Variants in GNL1 observed in about 807,000 individuals in gnomAD.
GNL1 encodes the protein guanine nucleotide-binding protein-like 1.
GNL1 carries 21 observed loss-of-function variants against 75.2 expected under a neutral mutation model. The ratio of observed to expected loss-of-function variants is 0.28; its 90% CI spans 0.20 to 0.40. The LOEUF is 0.40. Ranked by LOEUF, GNL1 falls within the 10% of genes least tolerant of loss-of-function variation. The probability of loss-of-function intolerance (pLI) is 1.00; values close to 1 mark genes in which losing one functional copy is unlikely to be tolerated. For synonymous variants in GNL1, 287 were observed against 303.4 expected (o/e 0.95, Z 0.56); for missense variants, 579 against 775.0 (o/e 0.75, Z 3.00).
In GNL1 at chr6:30,546,557, G is replaced by A. The variant is rs1408137049; in HGVS notation, c.1582+139C>T. Reference sequence around the variant, plus strand: ...ATTATTACCCTCAGTTTGCAGATCAGGAAAATATCACAGATGTTAAGTAAC... The same window carrying A: ...ATTATTACCCTCAGTTTGCAGATCAAGAAAATATCACAGATGTTAAGTAAC... On this transcript the variant is annotated intron_variant, in intron 11 of 11. Coordinates refer to ENST00000376621, the MANE Select transcript of GNL1 (RefSeq NM_005275.5). The surrounding 1 kb of genome is among the most constrained non-coding windows in gnomAD (Gnocchi z 5.1). 8.8e-5 allele frequency: 68 copies of A among 775,274 alleles called. No homozygotes were observed. Among genetic ancestry groups the A allele is most frequent in the Middle Eastern group, 2.4e-4 (1 of 4,224 alleles). 48.0% of individuals were successfully genotyped at this position (775,274 alleles called of 1,614,324 possible).
Position 30,548,269 on chromosome 6 carries a change from T to G in GNL1, c.1100-739A>C, listed in dbSNP as rs976835936. On this transcript the variant is annotated intron_variant, in intron 8 of 11. Transcript: ENST00000376621. The surrounding 1 kb of genome is among the most constrained non-coding windows in gnomAD (Gnocchi z 4.2). The stretch of plus-strand genomic sequence containing the variant: ...CACTCTGCTCACTCACCACCACCAG[T>G]TTTTGTGTTTCTGGCTGACTTCAGT... 6.6e-6 allele frequency among the ~76,000 whole-genome samples: 1 copy of G among 151,860 alleles called. No homozygotes were observed. Among genetic ancestry groups the G allele is most frequent in the Non-Finnish European group, 1.5e-5 (1 of 67,950 alleles).
chr6:30,547,314 A>C lies in GNL1; in HGVS notation c.1278+38T>G. 6.3e-6 allele frequency: 10 copies of C among 1,581,346 alleles called. No homozygotes were observed. Among genetic ancestry groups the C allele is most frequent in the Non-Finnish European group, 8.6e-6 (10 of 1,163,368 alleles). On this transcript the variant is annotated intron_variant, in intron 9 of 11. Transcript: ENST00000376621. This position sits in a 1 kb window ranked among gnomAD's most constrained non-coding sequence, Gnocchi z 5.5. ...CACTCAGTACTTTCCTCAATGTCCC[A>C]CCTTCTCTCTTTCCCTTACCCACCC...
rs934916833 is a variant in GNL1, at chr6:30,548,854, A to C, written c.1100-1324T>G. Among the ~76,000 whole-genome samples the C allele has an allele frequency of 2.6e-5, 4 of 152,150 alleles. No homozygotes were observed. Among genetic ancestry groups the C allele is most frequent in the African/African-American group, 4.8e-5 (2 of 41,418 alleles). ...TGCAGGAAAACTCCTTAAAAGACTT[A>C]CCTACTTTTTTCACCATTTCTTCCT... On this transcript the variant is annotated intron_variant, in intron 8 of 11. Transcript: ENST00000376621. The surrounding 1 kb of genome is among the most constrained non-coding windows in gnomAD (Gnocchi z 4.2).
Position 30,552,590 on chromosome 6 carries a change from C to T in GNL1, c.976G>A (p.Glu326Lys), listed in dbSNP as rs142398523. The T allele has an allele frequency of 6.9e-3, 11,129 of 1,614,090 alleles. 91 individuals carry two copies. Among genetic ancestry groups the T allele is most frequent in the Middle Eastern group, 0.043 (263 of 6,062 alleles). ...GGGCCATCCTCCTCTTCCTCCTCCTCCCCAGAGCCATTACCCCAGGTGGCC... is the reference window on the plus strand; with the variant it reads ...GGGCCATCCTCCTCTTCCTCCTCCTTCCCAGAGCCATTACCCCAGGTGGCC... ...AGATWGNGSG[E>K]EEEEEDGPAV... Residue 326 changes from glutamate (E) to lysine (K), a missense_variant, in exon 8 of 12, where the codon GAG (glutamate) becomes AAG (lysine). Coordinates refer to ENST00000376621, the MANE Select transcript of GNL1 (RefSeq NM_005275.5). The surrounding 1 kb of genome is among the most constrained non-coding windows in gnomAD (Gnocchi z 4.5).
rs1206044058 is a variant in GNL1, at chr6:30,545,067, T to C, written c.*1005A>G. ...GAAATGCTGAGGTGAAACCCTAAAA[T>C]GGTTCTGGCCACCTGCTAGGTTCTA... is the stretch of plus-strand genomic sequence containing the variant. On this transcript the variant is annotated 3_prime_UTR_variant, in exon 12 of 12. Coordinates refer to ENST00000376621, the MANE Select transcript of GNL1 (RefSeq NM_005275.5). The C allele has an allele frequency of 2.0e-5, 3 of 152,176 alleles. No individual in the cohort carries two copies. The highest frequency in any genetic ancestry group is 6.5e-5 in the Admixed American group (1 of 15,276). 9.4% of individuals were successfully genotyped at this position (152,176 alleles called of 1,614,324 possible). A position where few individuals can be genotyped will look rare whatever the true frequency, so the allele number is the denominator to read the frequency against.
In GNL1 at chr6:30,553,372, G is replaced by A; in HGVS notation, c.786C>T (p.Arg262=). ...VLFTSFPRDP[R]TPQDPSSVLK... ...CACCACTACTAGGGTCCTGTGGGGT[G>A]CGGGGGTCCCGAGGAAAAGAGGTGA... The change falls in exon 6 of 12, where the codon CGC becomes CGT. Residue 262 remains arginine (R), a synonymous_variant. Transcript: ENST00000376621. 1 of 1,612,056 alleles carries A rather than the reference G, an allele frequency of 6.2e-7. No homozygotes were observed. The highest frequency in any genetic ancestry group is 2.2e-5 in the East Asian group (1 of 44,888).
rs751722589 is a variant in GNL1, at chr6:30,547,229, T to C, written c.1324A>G (p.Thr442Ala). The change falls in exon 10 of 12, where the codon ACT (threonine) becomes GCT (alanine). Residue 442 changes from threonine to alanine, a missense_variant. Coordinates refer to ENST00000376621, the MANE Select transcript of GNL1 (RefSeq NM_005275.5). The surrounding 1 kb of genome is among the most constrained non-coding windows in gnomAD (Gnocchi z 5.5). ...YPIAQIQEPY[T>A]AVGYLASRIP... is the part of the protein sequence containing the mutation. ...CGGGAGGCCAGGTAGCCCACAGCAGTGTAGGGCTCCTGGATCTGGGCGATA... is the reference window on the plus strand; with the variant it reads ...CGGGAGGCCAGGTAGCCCACAGCAGCGTAGGGCTCCTGGATCTGGGCGATA... The C allele has an allele frequency of 1.2e-6, 2 of 1,611,532 alleles. No individual in the cohort carries two copies. Among genetic ancestry groups the C allele is most frequent in the East Asian group, 2.2e-5 (1 of 44,856 alleles).
At chr6:30,550,602 A>T (rs979794323) in intron 8 of GNL1, among the ~76,000 whole-genome samples, 1 of 152,024 alleles carries the variant, frequency 6.6e-6, no homozygotes, top group African/African-American at 2.4e-5. Flanking sequence ...CCCATCATTT[A>T]TTCTCTACTC....
At position 30,556,057 on chromosome 6, in the gene GNL1, T is replaced by G; in HGVS notation, c.73+74A>C. 1.1e-5 allele frequency: 17 copies of G among 1,554,930 alleles called. No individual in the cohort carries two copies. Among genetic ancestry groups the G allele is most frequent in the Non-Finnish European group, 1.4e-5 (16 of 1,141,204 alleles). Reference sequence around the variant, plus strand: ...GACCCCCTCCCACGATCCCCAGAGGTGCAGCGGGCACACCCCTCCTTCCAG... The same window carrying G: ...GACCCCCTCCCACGATCCCCAGAGGGGCAGCGGGCACACCCCTCCTTCCAG... On this transcript the variant is annotated intron_variant, in intron 1 of 11. Coordinates refer to ENST00000376621, the MANE Select transcript of GNL1 (RefSeq NM_005275.5). The surrounding 1 kb of genome is among the most constrained non-coding windows in gnomAD (Gnocchi z 5.7).
rs1799488525 is a variant in GNL1, at chr6:30,546,947, G to C, written c.1442-111C>G. ...TTTCCCCAAAACATTCCAGGCCAGA[G>C]ATCTTACTGGCTATGCAACAAAAAT... On this transcript the variant is annotated intron_variant, in intron 10 of 11. Coordinates refer to ENST00000376621, the MANE Select transcript of GNL1 (RefSeq NM_005275.5). This position sits in a 1 kb window ranked among gnomAD's most constrained non-coding sequence, Gnocchi z 5.1. 1 of 1,160,858 alleles carries C rather than the reference G, an allele frequency of 8.6e-7. No individual in the cohort carries two copies. The highest frequency in any genetic ancestry group is 1.3e-6 in the Non-Finnish European group (1 of 795,100). The allele number at this position is 1,160,858 out of a possible 1,614,324, so 71.9% of individuals were successfully genotyped here. A position where few individuals can be genotyped will look rare whatever the true frequency, so the allele number is the denominator to read the frequency against.
intron 8 of GNL1, among the ~76,000 whole-genome samples, chr6:30,550,941 CTCAG>C (rs1167323985): frequency 6.6e-6 from 1 of 152,192 alleles, no homozygotes; most frequent in African/African-American, 2.4e-5. Context: ...CACCTCTCCT[CTCAG>C]TCACTCTCTA....
chr6:30,555,781 CCCCCATCGGCCTGACT>C lies in GNL1; in HGVS notation c.74-77_74-62del. On this transcript the variant is annotated intron_variant, in intron 1 of 11. Coordinates refer to ENST00000376621, the MANE Select transcript of GNL1 (RefSeq NM_005275.5). The surrounding 1 kb of genome is among the most constrained non-coding windows in gnomAD (Gnocchi z 4.3). ...GCTCTCAGGGGCCATAAGACCCTCT[CCCCCATCGGCCTGACT>C]CCCTTTCATCCCACTCAACTTCTTC... 6.6e-7 allele frequency: 1 copy of C among 1,522,300 alleles called. No individual in the cohort carries two copies. Among genetic ancestry groups the C allele is most frequent in the South Asian group, 1.2e-5 (1 of 86,202 alleles). The allele number at this position is 1,522,300 out of a possible 1,614,324, so 94.3% of individuals were successfully genotyped here. A position where few individuals can be genotyped will look rare whatever the true frequency, so the allele number is the denominator to read the frequency against.
chr6:30,542,092 A>G lies in GNL1; in HGVS notation c.*3980T>C, dbSNP rs1799202277. ...TCTTTCATTGCAATCACTGCCAAAC[A>G]TTTTGAAAATTCTCTCCTCACCTCC... On this transcript the variant is annotated 3_prime_UTR_variant, in exon 12 of 12. Transcript: ENST00000376621. This position sits in a 1 kb window ranked among gnomAD's most constrained non-coding sequence, Gnocchi z 4.5. 1 of 151,882 alleles carries G rather than the reference A, an allele frequency of 6.6e-6. No individual in the cohort carries two copies. The highest frequency in any genetic ancestry group is 1.5e-5 in the Non-Finnish European group (1 of 67,980). 9.4% of individuals were successfully genotyped at this position (151,882 alleles called of 1,614,324 possible).
rs1198319407 is a variant in GNL1 at position 30,548,578 on chromosome 6, C to T, written c.1100-1048G>A. Reference sequence around the variant, plus strand: ...CATGATCCAGCTCCTCAGCCAGGCCCGTTCACAGACCTGGAACTCCCTGGT... The same window carrying T: ...CATGATCCAGCTCCTCAGCCAGGCCTGTTCACAGACCTGGAACTCCCTGGT... On this transcript the variant is annotated intron_variant, in intron 8 of 11. Transcript: ENST00000376621. The surrounding 1 kb of genome is among the most constrained non-coding windows in gnomAD (Gnocchi z 4.2). 2.6e-5 allele frequency among the ~76,000 whole-genome samples: 4 copies of T among 152,138 alleles called. No individual in the cohort carries two copies. Among genetic ancestry groups the T allele is most frequent in the Non-Finnish European group, 5.9e-5 (4 of 68,022 alleles).
At position 30,553,376 on chromosome 6, in the gene GNL1, G is replaced by T; in HGVS notation, c.782C>A (p.Pro261His). 11 of 1,612,192 alleles carry T rather than the reference G, an allele frequency of 6.8e-6. No homozygotes were observed. Among genetic ancestry groups the T allele is most frequent in the Non-Finnish European group, 9.3e-6 (11 of 1,179,934 alleles). Residue 261 changes from proline to histidine, a missense_variant, in exon 6 of 12, where the codon CCC (proline) becomes CAC (histidine). Physicochemically the swap from Pro to His is moderately conservative, Grantham distance 77. Coordinates refer to ENST00000376621, the MANE Select transcript of GNL1 (RefSeq NM_005275.5). Reference protein sequence around the residue: ...VVLFTSFPRDPRTPQDPSSVL... With the variant: ...VVLFTSFPRDHRTPQDPSSVL... The stretch of plus-strand genomic sequence containing the variant: ...ACTACTAGGGTCCTGTGGGGTGCGG[G>T]GGTCCCGAGGAAAAGAGGTGAAAAG...
chr6:30,546,491 C>A lies in GNL1; in HGVS notation c.1583-178G>T. 1.5e-6 allele frequency: 1 copy of A among 666,488 alleles called. No homozygotes were observed. Among genetic ancestry groups the A allele is most frequent in the Non-Finnish European group, 2.6e-6 (1 of 383,696 alleles). 41.3% of individuals were successfully genotyped at this position (666,488 alleles called of 1,614,324 possible). On this transcript the variant is annotated intron_variant, in intron 11 of 11. Coordinates refer to ENST00000376621, the MANE Select transcript of GNL1 (RefSeq NM_005275.5). This position sits in a 1 kb window ranked among gnomAD's most constrained non-coding sequence, Gnocchi z 5.1. Reference sequence around the variant, plus strand: ...CAGATTGCTGAACAGAACCTTTGTGCACATCAACTTCAATCTTTACAATCA... The same window carrying A: ...CAGATTGCTGAACAGAACCTTTGTGAACATCAACTTCAATCTTTACAATCA...
intron 5 of GNL1, among the ~76,000 whole-genome samples, chr6:30,553,957 ATGTT>A (rs1799969500): frequency 1.3e-5 from 2 of 152,248 alleles, no homozygotes; most frequent in Admixed American, 6.5e-5. Flanking sequence ...ACATGTGTGC[ATGTT>A]TGTGTGTTAA....
Position 30,552,709 on chromosome 6 carries a change from T to A in GNL1, c.905-48A>T. On this transcript the variant is annotated intron_variant, in intron 7 of 11. Transcript: ENST00000376621. This position sits in a 1 kb window ranked among gnomAD's most constrained non-coding sequence, Gnocchi z 4.5. ...AAAGAGGTTCTCCCCAGGGCTGCTGTGCATGATGGCACATACTGTGCCCTG... is the reference window on the plus strand; with the variant it reads ...AAAGAGGTTCTCCCCAGGGCTGCTGAGCATGATGGCACATACTGTGCCCTG... 1 of 1,536,022 alleles carries A rather than the reference T, an allele frequency of 6.5e-7. No individual in the cohort carries two copies. The highest frequency in any genetic ancestry group is 8.9e-7 in the Non-Finnish European group (1 of 1,121,198).
chr6:30,555,636 C>A lies in GNL1; in HGVS notation c.158G>T (p.Gly53Val). ...RREEQTDTSD[G>V]ESVTHHIRRL... ...GCGGATATGATGGGTCACAGACTCC[C>A]CGTCCGAGGTGTCGGTCTGTTCCTC... The change falls in exon 2 of 12, where the codon GGG becomes GTG. Residue 53 changes from glycine to valine, a missense_variant. Coordinates refer to ENST00000376621, the MANE Select transcript of GNL1 (RefSeq NM_005275.5). The surrounding 1 kb of genome is among the most constrained non-coding windows in gnomAD (Gnocchi z 4.3). The A allele has an allele frequency of 5.0e-6, 8 of 1,614,036 alleles. No individual in the cohort carries two copies. The highest frequency in any genetic ancestry group is 6.8e-6 in the Non-Finnish European group (8 of 1,179,952).
Sources: gnomAD v4.1 joint callset for allele counts (sites outside exome capture counted in the v4.1 genomes callset) on GRCh38, gnomAD v4.1.1 for gene constraint, Gnocchi (gnomAD v3.1) non-coding constraint, MANE v1.5 for transcripts, NCBI Gene and HGNC (gene_info 2026-07-23, HGNC 2026-07-21) for gene names.